Variants in COPS5 observed in about 807,000 individuals in gnomAD.
COPS5 encodes COP9 signalosome subunit 5.
In COPS5, 8 loss-of-function variants were observed where a neutral mutation model predicts 44.4. The ratio of observed to expected loss-of-function variants is 0.18; its 90% CI spans 0.11 to 0.32. The LOEUF is 0.32. COPS5 is among the 10% of genes least tolerant of loss of function. The pLI, the probability that COPS5 is intolerant of heterozygous loss-of-function variation, is 1.00. For synonymous variants in COPS5, 122 were observed against 142.8 expected (o/e 0.85, Z 1.04); for missense variants, 159 against 406.4 (o/e 0.39, Z 5.23).
intron 4 of COPS5, among the ~76,000 whole-genome samples, chr8:67,056,854 G>A (rs1427608615): frequency 6.6e-6 from 1 of 151,290 alleles, no homozygotes; most frequent in East Asian, 1.9e-4. Context: ...GCTGTAGGCT[G>A]GATTTTGCTT....
intron 5 of COPS5, among the ~76,000 whole-genome samples, chr8:67,055,912 C>T (rs1049546901): frequency 1.3e-5 from 2 of 151,984 alleles, no homozygotes; most frequent in Admixed American, 6.6e-5. Context: ...AGTAAGAATT[C>T]TTACACTTTT....
At chr8:67,059,475 T>C in intron 1 of COPS5, 30 bp from the exon 2 acceptor site, 1 of 1,511,236 alleles carries the variant, frequency 6.6e-7, no homozygotes, top group Non-Finnish European at 9.2e-7. Flanking sequence ...TGTAATTAAA[T>C]TCCTTATATA....
rs369201454 is a variant in COPS5, at chr8:67,050,438, C to T, written c.771+792G>A. Among the ~76,000 whole-genome samples, 77 of 152,310 alleles carry T rather than the reference C, an allele frequency of 5.1e-4. 1 individual carries two copies. Among genetic ancestry groups the T allele is most frequent in the Middle Eastern group, 3.4e-3 (1 of 294 alleles). The stretch of plus-strand genomic sequence containing the variant: ...TGCGGCTCAGCAGTAAAGCACTTGC[C>T]GTGGCGCAAGCCGCTCATCAAGCTT... On this transcript the variant is annotated intron_variant, in intron 6 of 7. Coordinates refer to ENST00000357849, the MANE Select transcript of COPS5 (RefSeq NM_006837.3).
At position 67,045,801 on chromosome 8, in the gene COPS5, TTTACTC is replaced by T. The variant is rs1286722223; in HGVS notation, c.920+5_920+10del. Reference sequence around the variant, plus strand: ...TTAGGGGCAACAGGAATCTTATAGATTTACTCTTACCTGTCTCTTGTAGCTTTGGCA... The same window carrying T: ...TTAGGGGCAACAGGAATCTTATAGATTTACCTGTCTCTTGTAGCTTTGGCA... On this transcript the variant is annotated splice_donor_5th_base_variant and intron_variant, in intron 7 of 7. Coordinates refer to ENST00000357849, the MANE Select transcript of COPS5 (RefSeq NM_006837.3). 3 of 1,613,948 alleles carry T rather than the reference TTTACTC, an allele frequency of 1.9e-6. No homozygotes were observed. In the African/African-American group the frequency reaches 4.0e-5, roughly 22 times the overall value.
intron 7 of COPS5, chr8:67,045,325 G>T (rs1816686113): frequency 6.5e-6 from 1 of 153,030 alleles, no homozygotes. Context: ...ATGATGGCAG[G>T]TGCCTATATT....
At chr8:67,061,682 G>A (rs1252920781) in intron 1 of COPS5, 172 bp downstream of exon 1, 1 of 641,258 alleles carries the variant, frequency 1.6e-6, no homozygotes. Context: ...GACAGAAAGG[G>A]GAGTGAAAGC....
intron 7 of COPS5, chr8:67,045,205 A>G (rs1816684341): frequency 6.6e-6 from 1 of 152,046 alleles, no homozygotes; most frequent in South Asian, 2.1e-4. Flanking sequence ...TAATCCCAGC[A>G]CTTTGGGAGG....
Position 67,057,372 on chromosome 8 carries a change from A to G in COPS5, c.573+8T>C, listed in dbSNP as rs1804529188. The G allele has an allele frequency of 6.3e-7, 1 of 1,598,446 alleles. No homozygotes were observed. The highest frequency in any genetic ancestry group is 8.5e-7 in the Non-Finnish European group (1 of 1,172,110). On this transcript the variant is annotated splice_region_variant and intron_variant, in intron 4 of 7. Coordinates refer to ENST00000357849, the MANE Select transcript of COPS5 (RefSeq NM_006837.3). ...GAGACTCTAACTCTTAAAAAAAAAAAAAGTTACCTTTGGGTATGTCCTAAA... is the reference window on the plus strand; with the variant it reads ...GAGACTCTAACTCTTAAAAAAAAAAGAAGTTACCTTTGGGTATGTCCTAAA...
chr8:67,051,071 T>C, intron 6 of COPS5, 159 bp downstream of exon 6: 1 of 600,818 alleles, frequency 1.7e-6, no homozygotes. Context: ...TGAATTGGCC[T>C]AGAATCCTAA....
chr8:67,056,267 T>G (rs1161378047), intron 5 of COPS5, among the ~76,000 whole-genome samples: 1 of 152,132 alleles, frequency 6.6e-6, no homozygotes, highest in Non-Finnish European at 1.5e-5. Context: ...GTCTCATCTG[T>G]AAAATAAGGG....
intron 7 of COPS5, chr8:67,044,723 C>T (rs1036067845): frequency 6.6e-6 from 1 of 151,952 alleles, no homozygotes; most frequent in Non-Finnish European, 1.5e-5. Context: ...CCTCAGCCTC[C>T]TGAATAGCTG....
intron 6 of COPS5, among the ~76,000 whole-genome samples, chr8:67,047,476 G>A: frequency 6.6e-6 from 1 of 152,230 alleles, no homozygotes; most frequent in Admixed American, 6.5e-5. Context: ...CTATTAAAAT[G>A]ACAATAAAAG....
At chr8:67,045,990 A>G in intron 6 of COPS5, 30 bp from the exon 7 acceptor site, 1 of 1,594,054 alleles carries the variant, frequency 6.3e-7, no homozygotes, top group Non-Finnish European at 8.6e-7. Flanking sequence ...GTGTCACTGC[A>G]AAACACAAGT....
At chr8:67,044,154 T>G (rs896034429) in intron 7 of COPS5, 8 of 152,162 alleles carry the variant, frequency 5.3e-5, no homozygotes, top group African/African-American at 2.4e-5. Flanking sequence ...GTGATTCTTG[T>G]GCCTCAGCCT....
intron 1 of COPS5, chr8:67,059,964 GATGAAATAA>G (rs1804561795): frequency 6.0e-6 from 1 of 165,332 alleles, no homozygotes; most frequent in South Asian, 1.6e-4. Flanking sequence ...TTGTTGTTAG[GATGAAATAA>G]ATGAAATAAT....
At chr8:67,052,001 G>C (rs1187940166) in intron 5 of COPS5, among the ~76,000 whole-genome samples, 1 of 152,014 alleles carries the variant, frequency 6.6e-6, no homozygotes, top group Non-Finnish European at 1.5e-5. Flanking sequence ...TTTACCTTAA[G>C]GAACTCAACA....
chr8:67,050,001 C>CTTT (rs548690353), intron 6 of COPS5, among the ~76,000 whole-genome samples: 1 of 138,732 alleles, frequency 7.2e-6, no homozygotes, highest in Non-Finnish European at 1.6e-5. Context: ...GTGATACTCT[C>CTTT]TTTTTTTTTT....
intron 6 of COPS5, among the ~76,000 whole-genome samples, chr8:67,048,862 C>G (rs929699313): frequency 6.6e-6 from 1 of 151,900 alleles, no homozygotes; most frequent in Non-Finnish European, 1.5e-5. Context: ...ATAAAGTAGC[C>G]CATTTAATTT....
chr8:67,049,440 CAACAGA>C (rs1011010327), intron 6 of COPS5, among the ~76,000 whole-genome samples: 3 of 151,006 alleles, frequency 2.0e-5, no homozygotes, highest in Non-Finnish European at 2.9e-5. Flanking sequence ...ATACCCTGGA[CAACAGA>C]GACAGAGACC....
Sources: gnomAD v4.1 joint callset for allele counts (sites outside exome capture counted in the v4.1 genomes callset) on GRCh38, gnomAD v4.1.1 for gene constraint, MANE v1.5 for transcripts, NCBI Gene and HGNC (gene_info 2026-07-23, HGNC 2026-07-21) for gene names.